DOCK4: variants seen among roughly 807,000 people sequenced by gnomAD.
The protein encoded by DOCK4 is dedicator of cytokinesis 4.
A neutral mutation model predicts 268.1 loss-of-function variants in DOCK4; 97 were observed. The observed-to-expected ratio is 0.36, with a 90% CI of 0.31 to 0.43. The LOEUF (loss-of-function observed/expected upper bound fraction) is 0.43. DOCK4 is among the 20% of genes least tolerant of loss of function. The probability of loss-of-function intolerance (pLI) is 1.00; values close to 1 mark genes in which losing one functional copy is unlikely to be tolerated. For synonymous variants in DOCK4, 954 were observed against 887.2 expected (o/e 1.08, Z -1.34); for missense variants, 2,145 against 2,455.7 (o/e 0.87, Z 2.67).
intron 4 of DOCK4, 66 bp downstream of exon 4, chr7:111,998,382 T>C (rs1800139764): frequency 1.5e-6 from 2 of 1,302,560 alleles, no homozygotes; most frequent in Admixed American, 5.0e-5. Context: ...ACTATGCCTT[T>C]CAAATTCCAA....
At chr7:112,169,046 T>C (rs1450321114) in intron 1 of DOCK4, among the ~76,000 whole-genome samples, 2 of 152,154 alleles carry the variant, frequency 1.3e-5, no homozygotes, top group Non-Finnish European at 2.9e-5. Context: ...AGGGCCCTAG[T>C]GGGAGGTGAT....
intron 23 of DOCK4, among the ~76,000 whole-genome samples, chr7:111,852,422 T>C (rs1448140022): frequency 6.6e-6 from 1 of 152,012 alleles, no homozygotes; most frequent in African/African-American, 2.4e-5. Flanking sequence ...AAATAATTCA[T>C]TGCAAGCCTT....
chr7:112,163,120 A>C (rs547793358), intron 1 of DOCK4, among the ~76,000 whole-genome samples: 3 of 152,362 alleles, frequency 2.0e-5, no homozygotes, highest in Admixed American at 2.0e-4. Context: ...AGACACGGCA[A>C]GCTAGTTATT....
chr7:111,784,454 A>T (rs1799027708), intron 32 of DOCK4: 3 of 549,946 alleles, frequency 5.5e-6, no homozygotes, highest in Non-Finnish European at 1.0e-5. Flanking sequence ...ATCCTTGTAC[A>T]GCTGGTATGA....
intron 1 of DOCK4, among the ~76,000 whole-genome samples, chr7:112,169,003 C>T (rs1444645676): frequency 6.6e-6 from 1 of 152,186 alleles, no homozygotes; most frequent in Non-Finnish European, 1.5e-5. Flanking sequence ...CTGCCCAAAT[C>T]TCATGTGGAA....
chr7:111,772,428 G>A (rs1372570139), intron 36 of DOCK4, among the ~76,000 whole-genome samples: 1 of 152,024 alleles, frequency 6.6e-6, no homozygotes, highest in African/African-American at 2.4e-5. Context: ...ACGACAATGT[G>A]ACTATACTTA....
At chr7:112,056,276 T>TA (rs954111441) in intron 1 of DOCK4, among the ~76,000 whole-genome samples, 3 of 152,112 alleles carry the variant, frequency 2.0e-5, no homozygotes, top group African/African-American at 7.2e-5. Context: ...CAATGGTTGA[T>TA]AGAGTTAGGT....
intron 1 of DOCK4, among the ~76,000 whole-genome samples, chr7:112,012,774 T>A (rs12672791): frequency 0.34 from 52,133 of 152,042 alleles, 9,633 homozygotes; most frequent in Non-Finnish European, 0.43. Context: ...GTTTGCTGAC[T>A]TTTTGTTACT....
intron 11 of DOCK4, 75 bp from the exon 12 acceptor site, chr7:111,935,703 C>T (rs753751249): frequency 5.3e-6 from 7 of 1,310,714 alleles, no homozygotes; most frequent in Non-Finnish European, 6.5e-6. Context: ...GTACATCTGC[C>T]CTTTTCGTTA....
intron 10 of DOCK4, among the ~76,000 whole-genome samples, chr7:111,941,224 GA>G (rs1231281323): frequency 6.6e-6 from 1 of 152,132 alleles, no homozygotes; most frequent in Admixed American, 6.5e-5. Context: ...CTGCTTTTCA[GA>G]TGTGCAAAAT....
chr7:111,816,383 A>G (rs1801556790), intron 27 of DOCK4, among the ~76,000 whole-genome samples: 1 of 152,218 alleles, frequency 6.6e-6, no homozygotes, highest in South Asian at 2.1e-4. Flanking sequence ...AAATCAACGC[A>G]AAGACATTTT....
At chr7:111,799,022 C>T (rs1317654393) in intron 30 of DOCK4, among the ~76,000 whole-genome samples, 1 of 152,170 alleles carries the variant, frequency 6.6e-6, no homozygotes, top group Admixed American at 6.5e-5. Flanking sequence ...AATAAATTGG[C>T]TAATCAGGCA....
Position 112,179,139 on chromosome 7 carries a change from C to A in DOCK4, c.37+26963G>T, listed in dbSNP as rs560783894. 1.1e-3 allele frequency among the ~76,000 whole-genome samples: 175 copies of A among 152,312 alleles called. 2 individuals carry two copies. Among genetic ancestry groups the A allele is most frequent in the Non-Finnish European group, 2.1e-3 (144 of 68,036 alleles). ...ATTTGGCTCACACCTATAATCTCAG[C>A]ACTTTAGAAGGCTGAGGCAGGAGGA... On this transcript the variant is annotated intron_variant, in intron 1 of 52. Coordinates refer to ENST00000428084, the MANE Select transcript of DOCK4 (RefSeq NM_001363540.2).
In DOCK4 at chr7:111,998,437, T is replaced by C; in HGVS notation, c.218+11A>G. On this transcript the variant is annotated intron_variant, in intron 4 of 52. Coordinates refer to ENST00000428084, the MANE Select transcript of DOCK4 (RefSeq NM_001363540.2). ...AAAATCCTCCAACTACTAATAAAACTCATTTCTTACCCTTTGTTCTTTACA... is the reference window on the plus strand; with the variant it reads ...AAAATCCTCCAACTACTAATAAAACCCATTTCTTACCCTTTGTTCTTTACA... 1 of 1,561,732 alleles carries C rather than the reference T, an allele frequency of 6.4e-7. No homozygotes were observed. Among genetic ancestry groups the C allele is most frequent in the Non-Finnish European group, 8.7e-7 (1 of 1,150,384 alleles).
At chr7:111,888,133 ATGTTG>A in intron 16 of DOCK4, among the ~76,000 whole-genome samples, 1 of 151,714 alleles carries the variant, frequency 6.6e-6, no homozygotes, top group Non-Finnish European at 1.5e-5. Flanking sequence ...TTTGCCTGCA[ATGTTG>A]ATGGACCCAC....
chr7:111,827,459 T>C (rs1802492111), intron 26 of DOCK4, among the ~76,000 whole-genome samples: 1 of 152,070 alleles, frequency 6.6e-6, no homozygotes, highest in African/African-American at 2.4e-5. Flanking sequence ...CCCATAGTCA[T>C]CAAAAACACA....
intron 42 of DOCK4, among the ~76,000 whole-genome samples, chr7:111,749,270 T>C (rs1351794518): frequency 6.6e-6 from 1 of 152,192 alleles, no homozygotes; most frequent in East Asian, 1.9e-4. Context: ...AGGAAAAGTC[T>C]GAGAGCTCTG....
At chr7:111,821,021 G>T (rs769855725) in intron 27 of DOCK4, 1 of 148,470 alleles carries the variant, frequency 6.7e-6, no homozygotes, top group African/African-American at 2.6e-5. Flanking sequence ...ATTCTAAAGA[G>T]AGCTATTTCA....
At chr7:111,825,816 G>C (rs1490097607) in intron 26 of DOCK4, among the ~76,000 whole-genome samples, 2 of 152,178 alleles carry the variant, frequency 1.3e-5, no homozygotes, top group East Asian at 1.9e-4. Flanking sequence ...AGAGGTTCAA[G>C]TAAGAAAGGT....
Sources: allele counts gnomAD v4.1 joint callset (sites outside exome capture counted in the v4.1 genomes callset), GRCh38; gene constraint gnomAD v4.1.1; transcripts MANE v1.5; gene names NCBI Gene and HGNC (gene_info 2026-07-23, HGNC 2026-07-21).